The following SCMH1 variants were observed in gnomAD, a reference collection of about 807,000 sequenced individuals.
The protein encoded by SCMH1 is polycomb protein SCMH1.
In SCMH1, 37 loss-of-function variants were observed where a neutral mutation model predicts 70.8. The ratio of observed to expected loss-of-function variants is 0.52; its 90% CI spans 0.40 to 0.69. The LOEUF (loss-of-function observed/expected upper bound fraction) is 0.69. Ranked by LOEUF, SCMH1 falls within the 30% of genes least tolerant of loss-of-function variation. The probability of loss-of-function intolerance (pLI) is 0.00; values close to 1 mark genes in which losing one functional copy is unlikely to be tolerated. For missense variants in SCMH1, 607 were observed against 827.3 expected, an observed-to-expected ratio of 0.73 and a Z score of 3.27; for synonymous variants, 292 against 307.4, an observed-to-expected ratio of 0.95 and a Z score of 0.52.
chr1:41,152,659 T>G (rs769426680), intron 4 of SCMH1: 6 of 1,614,150 alleles, frequency 3.7e-6, no homozygotes, highest in Non-Finnish European at 5.1e-6. Flanking sequence ...GCTAAAACAC[T>G]GTAGCAAACC....
chr1:41,085,838 CTTTTT>C (rs59678945), intron 8 of SCMH1, among the ~76,000 whole-genome samples: 1 of 85,612 alleles, frequency 1.2e-5, no homozygotes, highest in African/African-American at 5.1e-5. Context: ...ATTTCACCTG[CTTTTT>C]TTTTTTTTTT....
At chr1:41,127,169 C>A (rs1329506164) in intron 6 of SCMH1, among the ~76,000 whole-genome samples, 1 of 152,110 alleles carries the variant, frequency 6.6e-6, no homozygotes, top group Admixed American at 6.5e-5. Flanking sequence ...GTCAACTGTT[C>A]ATGCCTTAAG....
chr1:41,236,105 G>C (rs1662325082), intron 1 of SCMH1, among the ~76,000 whole-genome samples: 1 of 152,174 alleles, frequency 6.6e-6, no homozygotes, highest in South Asian at 2.1e-4. Context: ...ATACCTAGGA[G>C]TGGAATTGCT....
intron 8 of SCMH1, among the ~76,000 whole-genome samples, chr1:41,086,004 C>A (rs141433718): frequency 0.019 from 2,841 of 152,018 alleles, 89 homozygotes; most frequent in East Asian, 0.1. Context: ...CCACGCCCAG[C>A]TAATTTCTGT....
At chr1:41,214,012 T>C (rs1252012552) in intron 1 of SCMH1, among the ~76,000 whole-genome samples, 1 of 152,156 alleles carries the variant, frequency 6.6e-6, no homozygotes, top group African/African-American at 2.4e-5. Context: ...CATGTATTGT[T>C]AGCATTGTTT....
At chr1:41,048,592 A>C in intron 11 of SCMH1, 98 bp downstream of exon 11, 2 of 1,040,934 alleles carry the variant, frequency 1.9e-6, no homozygotes, top group South Asian at 2.9e-5. Context: ...CAGAGCCTGC[A>C]GGTATGAAGT....
intron 2 of SCMH1, among the ~76,000 whole-genome samples, chr1:41,166,331 G>T (rs1167511159): frequency 2.0e-5 from 3 of 151,854 alleles, no homozygotes; most frequent in African/African-American, 7.2e-5. Flanking sequence ...GGGATCCTTT[G>T]TGTCTCCCCC....
chr1:41,174,598 GA>G (rs956029968), intron 2 of SCMH1, among the ~76,000 whole-genome samples: 20 of 150,174 alleles, frequency 1.3e-4, no homozygotes, highest in African/African-American at 4.6e-4. Context: ...AGGCAAACAA[GA>G]AAAAAAAATT....
chr1:41,107,765 G>A (rs537184551), intron 8 of SCMH1, among the ~76,000 whole-genome samples: 92 of 152,208 alleles, frequency 6.0e-4, no homozygotes, highest in African/African-American at 2.2e-3. Context: ...TGATCTGCCT[G>A]CCTCGGCCTC....
At chr1:41,172,413 C>A (rs1233999643) in intron 2 of SCMH1, among the ~76,000 whole-genome samples, 1 of 151,636 alleles carries the variant, frequency 6.6e-6, no homozygotes. Context: ...AATTACAGAA[C>A]ATTGATGAAA....
intron 2 of SCMH1, among the ~76,000 whole-genome samples, chr1:41,168,635 T>C (rs1301057930): frequency 7.9e-6 from 1 of 126,110 alleles, no homozygotes; most frequent in Non-Finnish European, 1.9e-5. Flanking sequence ...GATTTGTCTT[T>C]TTTTTTTTTT....
At chr1:41,051,621 A>AT (rs1648188914) in intron 10 of SCMH1, among the ~76,000 whole-genome samples, 1 of 152,186 alleles carries the variant, frequency 6.6e-6, no homozygotes, top group Non-Finnish European at 1.5e-5. Flanking sequence ...TTGGGTTTTA[A>AT]TAAAAAAGTT....
intron 1 of SCMH1, among the ~76,000 whole-genome samples, chr1:41,216,265 G>A (rs373018017): frequency 1.3e-5 from 2 of 152,144 alleles, no homozygotes; most frequent in South Asian, 2.1e-4. Flanking sequence ...ACTGTGATCG[G>A]CACTAAAGAA....
chr1:41,126,688 T>G (rs1044777638), intron 6 of SCMH1, among the ~76,000 whole-genome samples: 1 of 152,206 alleles, frequency 6.6e-6, no homozygotes, highest in Admixed American at 6.5e-5. Context: ...TTTTTCACAT[T>G]AATGATATAT....
chr1:41,029,031 G>A (rs1005134719), intron 13 of SCMH1, among the ~76,000 whole-genome samples: 6 of 152,152 alleles, frequency 3.9e-5, no homozygotes, highest in African/African-American at 9.7e-5. Flanking sequence ...TGGGTGTCTG[G>A]GGGGCCTGGT....
chr1:41,151,645 G>C lies in SCMH1; in HGVS notation c.146C>G (p.Ser49Ter). 3 of 1,612,754 alleles carry C rather than the reference G, an allele frequency of 1.9e-6. No individual in the cohort carries two copies. Among genetic ancestry groups the C allele is most frequent in the Non-Finnish European group, 2.5e-6 (3 of 1,179,228 alleles). ...GAAGCAATGGACAGGCGCTGGGACTGAACATGTTTCTTTTAGGTATTTGTC... is the reference window on the plus strand; with the variant it reads ...GAAGCAATGGACAGGCGCTGGGACTCAACATGTTTCTTTTAGGTATTTGTC... The change falls in exon 5 of 15, where the codon TCA becomes TGA. Residue 49 changes from serine (S) to a stop codon, truncating the protein, a stop_gained. Coordinates refer to ENST00000337495, the Ensembl canonical transcript of SCMH1. LOFTEE classifies it high-confidence loss of function.
At position 41,113,176 on chromosome 1, in the gene SCMH1, C is replaced by T; in HGVS notation, c.745+107G>A. The T allele has an allele frequency of 7.1e-7, 1 of 1,418,338 alleles. No individual in the cohort carries two copies. The highest frequency in any genetic ancestry group is 9.5e-7 in the Non-Finnish European group (1 of 1,052,348). 87.9% of individuals were successfully genotyped at this position (1,418,338 alleles called of 1,614,324 possible). Reference sequence around the variant, plus strand: ...CTAAGCTGCTGGCCCTTGCTCCTCCCCTGCATACTAGTGAAGTATACTGGT... The same window carrying T: ...CTAAGCTGCTGGCCCTTGCTCCTCCTCTGCATACTAGTGAAGTATACTGGT... On this transcript the variant is annotated intron_variant, in intron 8 of 14. Coordinates refer to ENST00000337495, the Ensembl canonical transcript of SCMH1. The surrounding 1 kb of genome is among the most constrained non-coding windows in gnomAD (Gnocchi z 4.3).
intron 1 of SCMH1, among the ~76,000 whole-genome samples, chr1:41,197,403 C>G (rs1332382699): frequency 6.6e-6 from 1 of 152,122 alleles, no homozygotes; most frequent in African/African-American, 2.4e-5. Context: ...CATGGATGAA[C>G]CTTCAAGGCA....
chr1:41,159,674 T>C, intron 4 of SCMH1: 1 of 1,500,330 alleles, frequency 6.7e-7, no homozygotes, highest in Non-Finnish European at 8.9e-7. Flanking sequence ...AGGAAAGTTT[T>C]AAAGAATAAT....
Sources: allele counts gnomAD v4.1 joint callset (sites outside exome capture counted in the v4.1 genomes callset), GRCh38; gene constraint gnomAD v4.1.1; non-coding constraint Gnocchi (gnomAD v3.1); transcripts MANE v1.5; gene names NCBI Gene and HGNC (gene_info 2026-07-23, HGNC 2026-07-21).